Variants in SCAPER observed in about 807,000 individuals in gnomAD.
SCAPER encodes S phase cyclin A-associated protein in the endoplasmic reticulum.
A neutral mutation model predicts 182.2 loss-of-function variants in SCAPER; 98 were observed. The ratio of observed to expected loss-of-function variants is 0.54; its 90% CI spans 0.46 to 0.64. SCAPER has a LOEUF of 0.64. SCAPER is among the 30% of genes least tolerant of loss of function. The pLI, the probability that SCAPER is intolerant of heterozygous loss-of-function variation, is 0.00. For missense variants in SCAPER, 1,432 were observed against 1,690.0 expected (o/e 0.85, Z 2.68); for synonymous variants, 605 against 564.6 (o/e 1.07, Z -1.01).
At chr15:76,835,933 C>CA (rs35242954) in intron 5 of SCAPER, among the ~76,000 whole-genome samples, 39,339 of 94,424 alleles carry the variant, frequency 0.42, 8,007 homozygotes, top group Middle Eastern at 0.51. Context: ...ACATTAGCCA[C>CA]AAAAAAAAAA....
intron 8 of SCAPER, among the ~76,000 whole-genome samples, chr15:76,789,925 T>C (rs2064879354): frequency 6.6e-6 from 1 of 152,200 alleles, no homozygotes; most frequent in South Asian, 2.1e-4. Context: ...TAATATTTTG[T>C]TTAAAATATT....
At chr15:76,531,626 G>C (rs1174627433) in intron 23 of SCAPER, among the ~76,000 whole-genome samples, 2 of 151,796 alleles carry the variant, frequency 1.3e-5, no homozygotes, top group Non-Finnish European at 2.9e-5. Context: ...GGGATGATGT[G>C]AGGATTAAAT....
At chr15:76,738,424 C>T (rs548156758) in intron 15 of SCAPER, among the ~76,000 whole-genome samples, 17 of 151,970 alleles carry the variant, frequency 1.1e-4, no homozygotes, top group African/African-American at 4.1e-4. Context: ...ATGTAAAACT[C>T]TTCTTTCACT....
chr15:76,802,319 C>CT (rs891670540), intron 6 of SCAPER, among the ~76,000 whole-genome samples: 48 of 151,938 alleles, frequency 3.2e-4, no homozygotes, highest in African/African-American at 1.1e-3. Flanking sequence ...AATCTATTCC[C>CT]TTTTTTTTCC....
intron 21 of SCAPER, among the ~76,000 whole-genome samples, chr15:76,652,402 A>ATATATATATATATAGC (rs1567707828): frequency 1.0e-5 from 1 of 96,622 alleles, no homozygotes; most frequent in African/African-American, 4.2e-5. Flanking sequence ...ATATATATAT[A>ATATATATATATATAGC]GCACTTTGGA....
chr15:76,420,614 T>C (rs1200122563), intron 26 of SCAPER, among the ~76,000 whole-genome samples: 1 of 152,210 alleles, frequency 6.6e-6, no homozygotes, highest in African/African-American at 2.4e-5. Context: ...CGTTGTTAAC[T>C]ATAAGAAGAC....
intron 20 of SCAPER, among the ~76,000 whole-genome samples, chr15:76,679,375 T>A (rs1279556737): frequency 6.6e-6 from 1 of 152,194 alleles, no homozygotes; most frequent in Non-Finnish European, 1.5e-5. Context: ...TGTCAAACAG[T>A]AAATTTGAGA....
intron 24 of SCAPER, among the ~76,000 whole-genome samples, chr15:76,491,713 C>T (rs953697445): frequency 1.1e-4 from 16 of 152,090 alleles, no homozygotes; most frequent in Non-Finnish European, 1.5e-4. Flanking sequence ...CTCACTGCAA[C>T]CCCCGCCTCC....
chr15:76,702,845 C>G lies in SCAPER; in HGVS notation c.2400+5G>C. The G allele has an allele frequency of 1.9e-6, 3 of 1,593,760 alleles. No homozygotes were observed. Among genetic ancestry groups the G allele is most frequent in the Non-Finnish European group, 2.6e-6 (3 of 1,174,752 alleles). On this transcript the variant is annotated splice_donor_5th_base_variant and intron_variant, in intron 19 of 31. Transcript: ENST00000563290. ...TATCATTACAATATTGATATAACAACCTACCAGGACATTGCAGAGAGAACA... is the reference window on the plus strand; with the variant it reads ...TATCATTACAATATTGATATAACAAGCTACCAGGACATTGCAGAGAGAACA...
chr15:76,645,468 T>A (rs2054468086), intron 21 of SCAPER, among the ~76,000 whole-genome samples: 1 of 151,966 alleles, frequency 6.6e-6, no homozygotes, highest in Non-Finnish European at 1.5e-5. Flanking sequence ...CTCATAATCA[T>A]AAATATTCCA....
At chr15:76,894,364 G>A (rs548777471) in intron 1 of SCAPER, among the ~76,000 whole-genome samples, 1 of 152,266 alleles carries the variant, frequency 6.6e-6, no homozygotes. Context: ...GTTCGAGGCT[G>A]TAGTGTGCTC....
chr15:76,782,765 C>G lies in SCAPER; in HGVS notation c.773-7648G>C, dbSNP rs1186561703. Among the ~76,000 whole-genome samples the G allele has an allele frequency of 1.3e-5, 2 of 152,070 alleles. 1 individual carries two copies. Among genetic ancestry groups the G allele is most frequent in the Admixed American group, 1.3e-4 (2 of 15,258 alleles). On this transcript the variant is annotated intron_variant, in intron 8 of 31. Coordinates refer to ENST00000563290, the MANE Select transcript of SCAPER (RefSeq NM_020843.4). ...CACAACTACATGGAAACAGAACAACCTGCTCCTGAATGACTACTGGGTAAA... is the reference window on the plus strand; with the variant it reads ...CACAACTACATGGAAACAGAACAACGTGCTCCTGAATGACTACTGGGTAAA...
chr15:76,500,230 T>C (rs1433701139), intron 24 of SCAPER, among the ~76,000 whole-genome samples: 2 of 152,224 alleles, frequency 1.3e-5, no homozygotes, highest in Non-Finnish European at 2.9e-5. Context: ...ATGAATGTAC[T>C]TCTGTATGAA....
intron 27 of SCAPER, among the ~76,000 whole-genome samples, chr15:76,389,772 C>T (rs1458887290): frequency 2.8e-5 from 4 of 143,644 alleles, no homozygotes; most frequent in South Asian, 2.2e-4. Flanking sequence ...AGTGGAGATG[C>T]GCCACTGCAC....
At chr15:76,515,875 TAAGAG>T (rs1489231716) in intron 23 of SCAPER, among the ~76,000 whole-genome samples, 3 of 152,204 alleles carry the variant, frequency 2.0e-5, no homozygotes, top group African/African-American at 7.2e-5. Flanking sequence ...GAAATTCCCT[TAAGAG>T]GAGAGACAGC....
chr15:76,494,046 C>T (rs565872396), intron 24 of SCAPER, among the ~76,000 whole-genome samples: 1 of 152,156 alleles, frequency 6.6e-6, no homozygotes, highest in East Asian at 1.9e-4. Flanking sequence ...TGTTTATTAA[C>T]AATGGATTGT....
chr15:76,809,200 C>A (rs938645682), intron 5 of SCAPER, among the ~76,000 whole-genome samples: 1 of 152,080 alleles, frequency 6.6e-6, no homozygotes, highest in Non-Finnish European at 1.5e-5. Flanking sequence ...ACCTAATGCA[C>A]AGAAACAAAC....
chr15:76,688,936 C>T (rs2058193724), intron 20 of SCAPER, among the ~76,000 whole-genome samples: 1 of 151,038 alleles, frequency 6.6e-6, no homozygotes, highest in African/African-American at 2.4e-5. Flanking sequence ...GCAATCTCCA[C>T]CTCCTGGGTT....
chr15:76,817,354 A>G (rs1211205919), intron 5 of SCAPER, among the ~76,000 whole-genome samples: 1 of 152,196 alleles, frequency 6.6e-6, no homozygotes, highest in Non-Finnish European at 1.5e-5. Context: ...ATATATATAT[A>G]ATCTAAACAA....
Sources: gnomAD v4.1 joint callset for allele counts (sites outside exome capture counted in the v4.1 genomes callset) on GRCh38, gnomAD v4.1.1 for gene constraint, MANE v1.5 for transcripts, NCBI Gene and HGNC (gene_info 2026-07-23, HGNC 2026-07-21) for gene names.